PITPNC1: variants seen among roughly 807,000 people sequenced by gnomAD.
The protein encoded by PITPNC1 is phosphatidylinositol transfer protein cytoplasmic 1, also known as cytoplasmic phosphatidylinositol transfer protein 1.
PITPNC1 carries 18 observed loss-of-function variants against 44.7 expected under a neutral mutation model. The observed-to-expected ratio is 0.40, with a 90% CI of 0.28 to 0.60. The LOEUF is 0.60. Ranked by LOEUF, PITPNC1 falls within the 20% of genes least tolerant of loss-of-function variation. The pLI is 0.39. For synonymous variants in PITPNC1, 141 were observed against 149.6 expected, an observed-to-expected ratio of 0.94 and a Z score of 0.42; for missense variants, 290 against 418.4, an observed-to-expected ratio of 0.69 and a Z score of 2.68.
At chr17:67,640,002 C>A (rs1383059495) in intron 6 of PITPNC1, among the ~76,000 whole-genome samples, 1 of 152,116 alleles carries the variant, frequency 6.6e-6, no homozygotes, top group Non-Finnish European at 1.5e-5. Context: ...TTTTCCGTTA[C>A]CTCTAATGGC....
At chr17:67,475,566 C>T (rs915928289) in intron 1 of PITPNC1, among the ~76,000 whole-genome samples, 8 of 152,186 alleles carry the variant, frequency 5.3e-5, no homozygotes, top group African/African-American at 1.9e-4. Context: ...GCGACGACCT[C>T]GTACAGCCGC....
At chr17:67,492,014 A>G (rs573270003) in intron 1 of PITPNC1, among the ~76,000 whole-genome samples, 1 of 119,600 alleles carries the variant, frequency 8.4e-6, no homozygotes. Context: ...TTTTTTTTTA[A>G]AAAAAAAAAG....
intron 1 of PITPNC1, among the ~76,000 whole-genome samples, chr17:67,479,004 T>A (rs1348463884): frequency 1.3e-5 from 2 of 152,038 alleles, no homozygotes; most frequent in African/African-American, 2.4e-5. Context: ...CAGGCCAGGT[T>A]ACCTCGGTGT....
chr17:67,553,007 G>C (rs556349577), intron 3 of PITPNC1, among the ~76,000 whole-genome samples: 9 of 152,194 alleles, frequency 5.9e-5, no homozygotes, highest in African/African-American at 1.9e-4. Flanking sequence ...TTGTATAAAA[G>C]ATTCTATTGG....
intron 1 of PITPNC1, among the ~76,000 whole-genome samples, chr17:67,425,193 G>GCGCACACACACACACACA (rs1160522771): frequency 1.9e-5 from 1 of 52,118 alleles, no homozygotes; most frequent in African/African-American, 1.0e-4. Context: ...TTGTGCGCGC[G>GCGCACACACACACACACA]CACGCACACG....
intron 2 of PITPNC1, among the ~76,000 whole-genome samples, chr17:67,544,636 G>A (rs547241448): frequency 1.3e-4 from 20 of 152,264 alleles, no homozygotes; most frequent in Non-Finnish European, 2.4e-4. Context: ...GCCTTCCACG[G>A]CAATGTCTCC....
intron 4 of PITPNC1, among the ~76,000 whole-genome samples, chr17:67,558,633 T>A (rs2040869658): frequency 1.3e-5 from 2 of 152,136 alleles, no homozygotes. Context: ...TTGGCGTATA[T>A]ATTTTGCGAC....
chr17:67,446,838 C>T (rs2039103223), intron 1 of PITPNC1, among the ~76,000 whole-genome samples: 1 of 151,672 alleles, frequency 6.6e-6, no homozygotes, highest in Admixed American at 6.6e-5. Flanking sequence ...GCCTGTAATC[C>T]CAGCACTTTG....
intron 1 of PITPNC1, among the ~76,000 whole-genome samples, chr17:67,446,977 C>A (rs1332112702): frequency 6.7e-6 from 1 of 149,174 alleles, no homozygotes; most frequent in Non-Finnish European, 1.5e-5. Context: ...GTAATCGCAG[C>A]TACTGGGGAG....
intron 6 of PITPNC1, among the ~76,000 whole-genome samples, chr17:67,636,411 G>A (rs1038712721): frequency 6.6e-6 from 1 of 152,140 alleles, no homozygotes; most frequent in African/African-American, 2.4e-5. Context: ...TGACGCTCAG[G>A]GCCACCCCTG....
At chr17:67,575,790 C>CT (rs1160405748) in intron 4 of PITPNC1, among the ~76,000 whole-genome samples, 60 of 29,486 alleles carry the variant, frequency 2.0e-3, no homozygotes, top group African/African-American at 3.6e-3. Context: ...TCTTTTCTTT[C>CT]TTTCCTTCTT....
intron 1 of PITPNC1, among the ~76,000 whole-genome samples, chr17:67,404,401 A>G (rs1352639328): frequency 6.6e-6 from 1 of 152,226 alleles, no homozygotes; most frequent in Non-Finnish European, 1.5e-5. Context: ...ATGTCTATCT[A>G]GACTGTGTCT....
rs1304698927 is a variant in PITPNC1 at position 67,692,801 on chromosome 17, C to T, written c.912C>T (p.Leu304=). 1 of 1,613,710 alleles carries T rather than the reference C, an allele frequency of 6.2e-7. No individual in the cohort carries two copies. The highest frequency in any genetic ancestry group is 2.2e-5 in the East Asian group (1 of 44,890). Residue 304 remains leucine, a synonymous_variant, in exon 9 of 9, where the codon CTC becomes CTT. Coordinates refer to ENST00000581322, the MANE Select transcript of PITPNC1 (RefSeq NM_012417.4). ...GGAAAAAGTCTGCCCCAGAAACTCT[C>T]ACACTTCCAGACCCTGAGAAAAAAG... ...RPRKKSAPET[L]TLPDPEKKAT...
At chr17:67,423,606 C>T (rs1485631962) in intron 1 of PITPNC1, among the ~76,000 whole-genome samples, 1 of 152,120 alleles carries the variant, frequency 6.6e-6, no homozygotes, top group Non-Finnish European at 1.5e-5. Flanking sequence ...TGGGCTTAAG[C>T]GATCCTCCTG....
chr17:67,384,514 C>T (rs758870638), intron 1 of PITPNC1, among the ~76,000 whole-genome samples: 16 of 152,130 alleles, frequency 1.1e-4, no homozygotes, highest in Non-Finnish European at 1.0e-4. Context: ...CAAGCTCCGC[C>T]TCCCGGGTTC....
At chr17:67,497,471 CT>C (rs5821470) in intron 1 of PITPNC1, among the ~76,000 whole-genome samples, 102 of 129,364 alleles carry the variant, frequency 7.9e-4, no homozygotes, top group African/African-American at 1.6e-3. Flanking sequence ...AGGAAGTCGT[CT>C]TTTTTTTTTT....
chr17:67,550,845 A>G (rs1054417497), intron 2 of PITPNC1, among the ~76,000 whole-genome samples: 1 of 152,176 alleles, frequency 6.6e-6, no homozygotes, highest in Non-Finnish European at 1.5e-5. Context: ...GTGGATCATG[A>G]GGTCAGGAGA....
At chr17:67,688,681 T>G (rs1382246910) in intron 8 of PITPNC1, among the ~76,000 whole-genome samples, 1 of 152,138 alleles carries the variant, frequency 6.6e-6, no homozygotes, top group Non-Finnish European at 1.5e-5. Flanking sequence ...CTCCTTGAAT[T>G]TCTATCACTT....
intron 1 of PITPNC1, among the ~76,000 whole-genome samples, chr17:67,443,999 C>G (rs1185153259): frequency 1.3e-5 from 2 of 152,026 alleles, no homozygotes; most frequent in South Asian, 4.1e-4. Flanking sequence ...GCCAGCTTTA[C>G]AACTCTGTCA....
Sources: allele counts gnomAD v4.1 joint callset (sites outside exome capture counted in the v4.1 genomes callset), GRCh38; gene constraint gnomAD v4.1.1; transcripts MANE v1.5; gene names NCBI Gene and HGNC (gene_info 2026-07-23, HGNC 2026-07-21).